Variants in BAG3 observed in about 807,000 individuals in gnomAD.
BAG3 encodes BAG family molecular chaperone regulator 3.
Under a neutral mutation model 40.5 loss-of-function variants are expected in BAG3, and 14 were observed. The ratio of observed to expected loss-of-function variants is 0.35; its 90% confidence interval spans 0.23 to 0.54. The LOEUF is 0.54. Among genes scored for constraint, BAG3 ranks in the 20% least tolerant of loss-of-function variants. BAG3 has a pLI of 0.91. For missense variants in BAG3, 788 were observed against 758.6 expected (o/e 1.04, Z -0.46); for synonymous variants, 302 against 307.8 (o/e 0.98, Z 0.20).
rs1847167969 is a variant in BAG3 at position 119,672,591 on chromosome 10, A to G, written c.844A>G (p.Arg282Gly). 3 of 1,614,030 alleles carry G rather than the reference A, an allele frequency of 1.9e-6. No homozygotes were observed. Among genetic ancestry groups the G allele is most frequent in the East Asian group, 2.2e-5 (1 of 44,886 alleles). The change falls in exon 3 of 4, where the codon AGG (arginine) becomes GGG (glycine). Residue 282 changes from arginine to glycine, a missense_variant. Physicochemically the swap from Arg to Gly is moderately radical, Grantham distance 125. Coordinates refer to ENST00000369085, the MANE Select transcript of BAG3 (RefSeq NM_004281.4). This position sits in a 1 kb window ranked among gnomAD's most constrained non-coding sequence, Gnocchi z 4.8. ...GASSREGSPA[R>G]SSTPLHSPSP... ...ATCGAGCCGGGAGGGCTCACCAGCC[A>G]GGAGCAGCACGCCACTCCACTCCCC...
intron 1 of BAG3, among the ~76,000 whole-genome samples, chr10:119,665,972 G>A (rs1046625366): frequency 1.3e-5 from 2 of 152,154 alleles, no homozygotes; most frequent in African/African-American, 2.4e-5. Flanking sequence ...CAGCCAGGCC[G>A]CCCTTGCCTG....
chr10:119,664,557 A>G (rs568620214), intron 1 of BAG3, among the ~76,000 whole-genome samples: 1 of 152,154 alleles, frequency 6.6e-6, no homozygotes, highest in Non-Finnish European at 1.5e-5. Flanking sequence ...CATGAGGATC[A>G]GCAGTCATCT....
At position 119,651,670 on chromosome 10, in the gene BAG3, C is replaced by T. The variant is rs1564766878; in HGVS notation, c.-6C>T. On this transcript the variant is annotated 5_prime_UTR_variant, in exon 1 of 4. Transcript: ENST00000369085. The stretch of plus-strand genomic sequence containing the variant: ...CCGCGCCCCAGCGGGCAGACCCCAA[C>T]CCAGCATGAGCGCCGCCACCCACTC... The T allele has an allele frequency of 6.3e-7, 1 of 1,575,358 alleles. No individual in the cohort carries two copies. Among genetic ancestry groups the T allele is most frequent in the Non-Finnish European group, 8.6e-7 (1 of 1,162,246 alleles).
Position 119,677,108 on chromosome 10 carries a change from T to A in BAG3, c.1554T>A (p.Asp518Glu), listed in dbSNP as rs139125612. ...YELQPSNLEA[D>E]QPLQAIMEMG... Reference sequence around the variant, plus strand: ...TCCAGCCCAGCAACCTTGAAGCAGATCAGCCACTGCAGGCAATCATGGAGA... The same window carrying A: ...TCCAGCCCAGCAACCTTGAAGCAGAACAGCCACTGCAGGCAATCATGGAGA... Residue 518 changes from aspartate (D) to glutamate (E), a missense_variant, in exon 4 of 4, where the codon GAT (aspartate) becomes GAA (glutamate). Physicochemically the swap from Asp to Glu is conservative, Grantham distance 45. Transcript: ENST00000369085. 5 of 1,614,126 alleles carry A rather than the reference T, an allele frequency of 3.1e-6. No individual in the cohort carries two copies. The African/African-American group carries it at 5.3e-5, about 17-fold the overall frequency.
At chr10:119,663,365 T>C (rs1028507557) in intron 1 of BAG3, among the ~76,000 whole-genome samples, 2 of 152,146 alleles carry the variant, frequency 1.3e-5, no homozygotes, top group Non-Finnish European at 2.9e-5. Context: ...AGTGCTGCAA[T>C]CTTGGCTCAC....
intron 1 of BAG3, among the ~76,000 whole-genome samples, chr10:119,653,628 A>G (rs1193606861): frequency 6.6e-6 from 1 of 152,254 alleles, no homozygotes; most frequent in East Asian, 1.9e-4. Context: ...AGAACTACTA[A>G]ATCAGAAGTC....
intron 1 of BAG3, among the ~76,000 whole-genome samples, chr10:119,665,537 C>T (rs1268962987): frequency 1.3e-5 from 2 of 152,018 alleles, no homozygotes; most frequent in African/African-American, 4.8e-5. Context: ...CCTCGGCCTC[C>T]CAAAGTGCTG....
intron 1 of BAG3, among the ~76,000 whole-genome samples, chr10:119,662,848 A>C (rs1847011178): frequency 6.6e-6 from 1 of 152,168 alleles, no homozygotes; most frequent in African/African-American, 2.4e-5. Flanking sequence ...CCCCGTCTCT[A>C]CTAAAAACAC....
intron 1 of BAG3, among the ~76,000 whole-genome samples, chr10:119,659,097 TC>T (rs1428678141): frequency 6.6e-6 from 1 of 152,144 alleles, no homozygotes; most frequent in Non-Finnish European, 1.5e-5. Context: ...CTTGGAGCCC[TC>T]CCTGGGGCTT....
At chr10:119,657,637 C>T in intron 1 of BAG3, 1 of 470,634 alleles carries the variant, frequency 2.1e-6, no homozygotes, top group Non-Finnish European at 4.4e-6. Flanking sequence ...TAAAGGTCCC[C>T]AGAGGCCTGC....
chr10:119,670,737 A>G (rs1847138836), intron 2 of BAG3, among the ~76,000 whole-genome samples: 1 of 152,232 alleles, frequency 6.6e-6, no homozygotes, highest in Non-Finnish European at 1.5e-5. Context: ...TTAAGACAGC[A>G]TTTTAATCCT....
intron 1 of BAG3, among the ~76,000 whole-genome samples, chr10:119,662,975 A>G (rs1278314990): frequency 6.6e-6 from 1 of 152,190 alleles, no homozygotes; most frequent in Non-Finnish European, 1.5e-5. Context: ...AGATCGCGCC[A>G]CTGCACTCCA....
At chr10:119,657,617 C>CCTAAGAA (rs1272312452) in intron 1 of BAG3, 2 of 470,860 alleles carry the variant, frequency 4.2e-6, no homozygotes, top group Admixed American at 4.7e-5. Flanking sequence ...GCAGAGTTGT[C>CCTAAGAA]CTGGGCTCCT....
Position 119,676,519 on chromosome 10 carries a change from A to G in BAG3, c.965A>G (p.Glu322Gly), listed in dbSNP as rs760204588. Reference sequence around the variant, plus strand: ...GTTTCCCAGCCTGAAAACAAACCAGAAAGTAAGCCAGGCCCAGTTGGACCA... The same window carrying G: ...GTTTCCCAGCCTGAAAACAAACCAGGAAGTAAGCCAGGCCCAGTTGGACCA... ...APVSQPENKP[E>G]SKPGPVGPEL... The change falls in exon 4 of 4, where the codon GAA becomes GGA. Residue 322 changes from glutamate (E) to glycine (G), a missense_variant. Coordinates refer to ENST00000369085, the MANE Select transcript of BAG3 (RefSeq NM_004281.4). The G allele has an allele frequency of 1.2e-6, 2 of 1,613,968 alleles. No homozygotes were observed. Among genetic ancestry groups the G allele is most frequent in the Non-Finnish European group, 1.7e-6 (2 of 1,180,014 alleles).
At position 119,676,505 on chromosome 10, in the gene BAG3, T is replaced by G; in HGVS notation, c.951T>G (p.Pro317=). Residue 317 remains proline (P), a synonymous_variant, in exon 4 of 4, where the codon CCT becomes CCG. Coordinates refer to ENST00000369085, the MANE Select transcript of BAG3 (RefSeq NM_004281.4). ...GAGAAACTGCACCTGTTTCCCAGCC[T>G]GAAAACAAACCAGAAAGTAAGCCAG... ...THRETAPVSQ[P]ENKPESKPGP... is the part of the protein sequence containing the mutation. 1 of 1,613,928 alleles carries G rather than the reference T, an allele frequency of 6.2e-7. No individual in the cohort carries two copies. Among genetic ancestry groups the G allele is most frequent in the Non-Finnish European group, 8.5e-7 (1 of 1,179,954 alleles).
At chr10:119,652,219 G>A (rs779457648) in intron 1 of BAG3, among the ~76,000 whole-genome samples, 1 of 151,984 alleles carries the variant, frequency 6.6e-6, no homozygotes, top group African/African-American at 2.4e-5. Context: ...GTCAGCTCCG[G>A]AGGCCCCGGC....
Position 119,651,414 on chromosome 10 carries a change from A to G in BAG3, c.-262A>G, listed in dbSNP as rs1486581494. 2 of 369,538 alleles carry G rather than the reference A, an allele frequency of 5.4e-6. No individual in the cohort carries two copies. Among genetic ancestry groups the G allele is most frequent in the Non-Finnish European group, 9.5e-6 (2 of 209,476 alleles). The allele number at this position is 369,538 out of a possible 1,614,324, so 22.9% of individuals were successfully genotyped here. On this transcript the variant is annotated 5_prime_UTR_variant, in exon 1 of 4. Coordinates refer to ENST00000369085, the MANE Select transcript of BAG3 (RefSeq NM_004281.4). ...CCCGGGCCGCGGCCAACTTCTCTGG[A>G]CTGGACCAGAAGTTTCTAGCCGGCC...
chr10:119,675,620 A>G (rs536508158), intron 3 of BAG3, among the ~76,000 whole-genome samples: 1 of 152,302 alleles, frequency 6.6e-6, no homozygotes, highest in Admixed American at 6.5e-5. Flanking sequence ...GACTGTCTGC[A>G]CAGTGTAAGG....
rs550218505 is a variant in BAG3 at position 119,658,542 on chromosome 10, C to T, written c.180+6687C>T. ...GTTCCAGGTCTGAGCCTCAGCCGAGCGTGGCTGGGCGAAATGGAAGCCTTT... is the reference window on the plus strand; with the variant it reads ...GTTCCAGGTCTGAGCCTCAGCCGAGTGTGGCTGGGCGAAATGGAAGCCTTT... On this transcript the variant is annotated intron_variant, in intron 1 of 3. Transcript: ENST00000369085. 3.9e-5 allele frequency among the ~76,000 whole-genome samples: 6 copies of T among 152,340 alleles called. No homozygotes were observed. In the South Asian group the frequency reaches 8.3e-4, roughly 21 times the overall value.
Sources: gnomAD v4.1 joint callset for allele counts (sites outside exome capture counted in the v4.1 genomes callset) on GRCh38, gnomAD v4.1.1 for gene constraint, Gnocchi (gnomAD v3.1) non-coding constraint, MANE v1.5 for transcripts, NCBI Gene and HGNC (gene_info 2026-07-23, HGNC 2026-07-21) for gene names.